CRACD: variants seen among roughly 807,000 people sequenced by gnomAD.
The protein encoded by CRACD is capping protein inhibiting regulator of actin dynamics.
CRACD carries 56 observed loss-of-function variants against 106.8 expected under a neutral mutation model. That is an observed-to-expected ratio of 0.52 (90% CI 0.42 to 0.66). The LOEUF (loss-of-function observed/expected upper bound fraction) is 0.66. Ranked by LOEUF, CRACD falls within the 30% of genes least tolerant of loss-of-function variation. The pLI is 0.00. For missense variants in CRACD, 1,730 were observed against 1,623.2 expected, an observed-to-expected ratio of 1.07 and a Z score of -1.13; for synonymous variants, 754 against 670.8, an observed-to-expected ratio of 1.12 and a Z score of -1.92.
chr4:56,181,791 A>G (rs1024674019), intron 2 of CRACD, among the ~76,000 whole-genome samples: 1 of 152,118 alleles, frequency 6.6e-6, no homozygotes, highest in Non-Finnish European at 1.5e-5. Flanking sequence ...GTGTCTGCAC[A>G]TGGCTGTCTT....
intron 1 of CRACD, among the ~76,000 whole-genome samples, chr4:56,165,968 G>A (rs76022185): frequency 0.034 from 5,169 of 152,102 alleles, 288 homozygotes; most frequent in African/African-American, 0.12. Flanking sequence ...TTAAGCAGTC[G>A]TCATTTCTCA....
intron 3 of CRACD, among the ~76,000 whole-genome samples, chr4:56,286,525 C>CAAAAAAAGAAAA (rs1491420830): frequency 1.1e-5 from 1 of 89,382 alleles, no homozygotes; most frequent in Non-Finnish European, 2.2e-5. Context: ...GACTCCGTCT[C>CAAAAAAAGAAAA]AAAAAAAAAA....
intron 7 of CRACD, 66 bp from the exon 8 acceptor site, chr4:56,313,974 T>C (rs1745323727): frequency 1.1e-5 from 17 of 1,543,834 alleles, no homozygotes; most frequent in Non-Finnish European, 1.4e-5. Flanking sequence ...GCACTGTGAA[T>C]AGGAAAAGGA....
intron 5 of CRACD, among the ~76,000 whole-genome samples, chr4:56,310,303 A>G (rs1353998483): frequency 6.6e-6 from 1 of 152,156 alleles, no homozygotes; most frequent in Non-Finnish European, 1.5e-5. Flanking sequence ...CAGCAAGGCC[A>G]AAAGCATTGA....
At chr4:56,186,506 A>G (rs138893115) in intron 2 of CRACD, among the ~76,000 whole-genome samples, 64 of 152,306 alleles carry the variant, frequency 4.2e-4, no homozygotes, top group African/African-American at 1.4e-3. Context: ...CTAGTTTGAC[A>G]AGAAATAGCA....
At chr4:56,214,436 A>T (rs946838264) in intron 2 of CRACD, among the ~76,000 whole-genome samples, 7 of 151,280 alleles carry the variant, frequency 4.6e-5, no homozygotes, top group Non-Finnish European at 7.4e-5. Context: ...CTACTAAAAT[A>T]CAAAAATTAG....
intron 3 of CRACD, among the ~76,000 whole-genome samples, chr4:56,287,655 G>A (rs1743449102): frequency 6.6e-6 from 1 of 152,086 alleles, no homozygotes; most frequent in South Asian, 2.1e-4. Context: ...TTGAACTCCT[G>A]GGTTCAAACT....
rs1213933016 is a variant in CRACD at position 56,298,234 on chromosome 4, G to A, written c.5G>A (p.Gly2Glu). 5.6e-6 allele frequency: 9 copies of A among 1,614,018 alleles called. No individual in the cohort carries two copies. The South Asian group carries it at 6.6e-5, about 12-fold the overall frequency. Reference sequence around the variant, plus strand: ...TCCAGGTCCTTCAACTATTCTATGGGAACCCGGGCATTTTCCCATGACAGT... The same window carrying A: ...TCCAGGTCCTTCAACTATTCTATGGAAACCCGGGCATTTTCCCATGACAGT... M[G>E]TRAFSHDSIF... The change falls in exon 4 of 11, where the codon GGA (glycine) becomes GAA (glutamate). Residue 2 changes from glycine (G) to glutamate (E), a missense_variant. Gly to Glu is a moderately conservative substitution (Grantham distance 98). Around this residue, in one of 5 missense-constraint regions of CRACD, gnomAD observed 1,620 missense variants for 1,481.6 expected, o/e 1.09. Transcript: ENST00000682029.
rs776586891 is a variant in CRACD, at chr4:56,284,031, A to C, written c.-17+11539A>C. On this transcript the variant is annotated intron_variant, in intron 3 of 10. Coordinates refer to ENST00000682029, the MANE Select transcript of CRACD (RefSeq NM_001393381.1). ...TTTCTGCAGTGACCTCCTGGAAAACAGCCATGATCTGAACATATTCTGCGT... is the reference window on the plus strand; with the variant it reads ...TTTCTGCAGTGACCTCCTGGAAAACCGCCATGATCTGAACATATTCTGCGT... 7.9e-5 allele frequency among the ~76,000 whole-genome samples: 12 copies of C among 152,302 alleles called. 1 individual carries two copies. The highest frequency in any genetic ancestry group is 6.8e-3 in the Middle Eastern group (2 of 294).
intron 3 of CRACD, among the ~76,000 whole-genome samples, chr4:56,296,906 CT>C (rs5858371): frequency 7.1e-6 from 1 of 141,180 alleles, no homozygotes; most frequent in South Asian, 2.2e-4. Flanking sequence ...TTGTGCATTT[CT>C]TTTTTTTTGT....
rs551427762 is a variant in CRACD at position 56,175,577 on chromosome 4, A to T, written c.-335-3707A>T. Reference sequence around the variant, plus strand: ...ATTTTGCTTCAGGCATGCAATACATAATAATCACATCAGGGTACACACACA... The same window carrying T: ...ATTTTGCTTCAGGCATGCAATACATTATAATCACATCAGGGTACACACACA... On this transcript the variant is annotated intron_variant, in intron 1 of 10. Coordinates refer to ENST00000682029, the MANE Select transcript of CRACD (RefSeq NM_001393381.1). Among the ~76,000 whole-genome samples the T allele has an allele frequency of 1.6e-4, 25 of 152,320 alleles. 2 individuals carry two copies. In the South Asian group the frequency reaches 5.0e-3, roughly 30 times the overall value.
chr4:56,058,309 A>G (rs1216276261), intron 1 of CRACD, among the ~76,000 whole-genome samples: 1 of 152,058 alleles, frequency 6.6e-6, no homozygotes, highest in Non-Finnish European at 1.5e-5. Flanking sequence ...GGCTCAAGCA[A>G]TCCCCTGCCT....
chr4:56,066,849 G>T (rs913684711), intron 1 of CRACD, among the ~76,000 whole-genome samples: 1 of 152,140 alleles, frequency 6.6e-6, no homozygotes, highest in African/African-American at 2.4e-5. Context: ...GAATGAATGC[G>T]TGTTCATGGG....
intron 4 of CRACD, among the ~76,000 whole-genome samples, chr4:56,301,764 A>C (rs1577880413): frequency 6.6e-6 from 1 of 152,004 alleles, no homozygotes; most frequent in African/African-American, 2.4e-5. Context: ...TACAGCAAAA[A>C]CCAGCCTCCC....
intron 2 of CRACD, among the ~76,000 whole-genome samples, chr4:56,236,173 G>A (rs889725709): frequency 3.3e-5 from 5 of 152,086 alleles, no homozygotes; most frequent in African/African-American, 4.8e-5. Context: ...TCCTTAAAAG[G>A]GGGACTTTGG....
intron 1 of CRACD, among the ~76,000 whole-genome samples, chr4:56,143,384 A>C (rs1735271831): frequency 6.6e-6 from 1 of 152,062 alleles, no homozygotes; most frequent in Non-Finnish European, 1.5e-5. Context: ...GTCTTACTGC[A>C]TCTCAGCTAA....
At chr4:56,286,525 C>CAAAAAAACAAAAA (rs1491420830) in intron 3 of CRACD, among the ~76,000 whole-genome samples, 1 of 89,382 alleles carries the variant, frequency 1.1e-5, no homozygotes, top group African/African-American at 4.0e-5. Flanking sequence ...GACTCCGTCT[C>CAAAAAAACAAAAA]AAAAAAAAAA....
chr4:56,325,435 G>A (rs1746379231), intron 10 of CRACD, among the ~76,000 whole-genome samples: 1 of 152,194 alleles, frequency 6.6e-6, no homozygotes, highest in Admixed American at 6.5e-5. Context: ...CTGTGATGGT[G>A]ACACGTGGCT....
chr4:56,100,139 A>G (rs1225515867), intron 1 of CRACD, among the ~76,000 whole-genome samples: 9 of 152,030 alleles, frequency 5.9e-5, no homozygotes, highest in Non-Finnish European at 1.0e-4. Context: ...GCTACTTGGG[A>G]GGCTGAGGCA....
Sources: gnomAD v4.1 joint callset for allele counts (sites outside exome capture counted in the v4.1 genomes callset) on GRCh38, gnomAD v4.1.1 for gene constraint, gnomAD v4.1.1 regional missense constraint, MANE v1.5 for transcripts, NCBI Gene and HGNC (gene_info 2026-07-23, HGNC 2026-07-21) for gene names.